GRAMD1B: variants seen among roughly 807,000 people sequenced by gnomAD.
GRAMD1B encodes protein Aster-B.
Under a neutral mutation model 99.7 loss-of-function variants are expected in GRAMD1B, and 37 were observed. That is an observed-to-expected ratio of 0.37 (90% CI 0.29 to 0.49). GRAMD1B has a LOEUF of 0.49. Ranked by LOEUF, GRAMD1B falls within the 20% of genes least tolerant of loss-of-function variation. The probability of loss-of-function intolerance (pLI) is 0.98; values close to 1 mark genes in which losing one functional copy is unlikely to be tolerated. For missense variants in GRAMD1B, 888 were observed against 1,009.2 expected (o/e 0.88, Z 1.63); for synonymous variants, 427 against 387.6 (o/e 1.10, Z -1.19).
intron 2 of GRAMD1B, among the ~76,000 whole-genome samples, chr11:123,494,416 G>A (rs1007547424): frequency 6.7e-6 from 1 of 149,030 alleles, no homozygotes; most frequent in East Asian, 2.0e-4. Context: ...CAGCACTTAA[G>A]GCCTTTTTTT....
At position 123,548,343 on chromosome 11, in the gene GRAMD1B, C is replaced by T. The variant is rs1273296706; in HGVS notation, c.453-29024C>T. Among the ~76,000 whole-genome samples the T allele has an allele frequency of 5.5e-3, 631 of 115,134 alleles. 16 individuals are homozygous for T. The highest frequency in any genetic ancestry group is 0.023 in the African/African-American group (538 of 23,416). 75.5% of individuals were successfully genotyped at this position (115,134 alleles called of 152,430 possible). A position where few individuals can be genotyped will look rare whatever the true frequency, so the allele number is the denominator to read the frequency against. ...ATATATATACACACACACACACACA[C>T]ACACACATATATATATATATGTACA... is the stretch of plus-strand genomic sequence containing the variant. On this transcript the variant is annotated intron_variant, in intron 2 of 19. Transcript: ENST00000635736.
chr11:123,423,961 C>T (rs565027721), intron 1 of GRAMD1B, among the ~76,000 whole-genome samples: 2 of 152,254 alleles, frequency 1.3e-5, no homozygotes, highest in East Asian at 1.9e-4. Context: ...TTTCTCCCCT[C>T]GGCTTCCCAG....
chr11:123,441,635 A>G (rs1189056842), intron 1 of GRAMD1B, among the ~76,000 whole-genome samples: 16 of 152,072 alleles, frequency 1.1e-4, no homozygotes, highest in Non-Finnish European at 2.9e-5. Flanking sequence ...AAGAAAAAAA[A>G]AGAGAAAAAA....
intron 9 of GRAMD1B, among the ~76,000 whole-genome samples, chr11:123,604,362 A>G (rs1259244614): frequency 6.6e-6 from 1 of 152,210 alleles, no homozygotes; most frequent in East Asian, 1.9e-4. Context: ...ACATGCAGTG[A>G]GGGAGGAAGG....
chr11:123,435,453 A>G (rs1265499078), intron 1 of GRAMD1B: 1 of 702,658 alleles, frequency 1.4e-6, no homozygotes, highest in Non-Finnish European at 2.6e-6. Context: ...GCGGATTTTC[A>G]CTGCACAAAG....
At chr11:123,486,895 CCT>C (rs1157496647) in intron 2 of GRAMD1B, among the ~76,000 whole-genome samples, 1 of 151,982 alleles carries the variant, frequency 6.6e-6, no homozygotes, top group African/African-American at 2.4e-5. Flanking sequence ...ATGGCAAAAC[CCT>C]GTCTCTACTA....
At chr11:123,515,610 T>C (rs1207850790) in intron 2 of GRAMD1B, among the ~76,000 whole-genome samples, 1 of 152,094 alleles carries the variant, frequency 6.6e-6, no homozygotes. Flanking sequence ...TGTGGAGAGA[T>C]TGAAAAAAAT....
chr11:123,480,201 G>A (rs566743909), intron 1 of GRAMD1B, among the ~76,000 whole-genome samples: 2 of 152,250 alleles, frequency 1.3e-5, no homozygotes, highest in Admixed American at 1.3e-4. Flanking sequence ...AGTGCCTTAA[G>A]GTGTGGAGAG....
chr11:123,404,695 T>C (rs1472488531), intron 1 of GRAMD1B, among the ~76,000 whole-genome samples: 4 of 152,206 alleles, frequency 2.6e-5, no homozygotes, highest in African/African-American at 9.6e-5. Context: ...AAATCATTCA[T>C]GAGAAAATCT....
At chr11:123,621,942 CTCTT>C (rs1427638688) in intron 19 of GRAMD1B, among the ~76,000 whole-genome samples, 3 of 148,228 alleles carry the variant, frequency 2.0e-5, no homozygotes, top group Admixed American at 6.7e-5. Context: ...CTTCCTTTCT[CTCTT>C]TCTTTCTTTC....
At position 123,606,676 on chromosome 11, in the gene GRAMD1B, T is replaced by C. The variant is rs1952784646; in HGVS notation, c.1391T>C (p.Ile464Thr). ...GGGTCCCTGGAAAAGGAGCTCGCCA[T>C]TGACAACATCATGGGGGAGAAGATT... ...GDGSLEKELAIDNIMGEKIEM... is the reference protein window; with the variant it reads ...GDGSLEKELATDNIMGEKIEM... Residue 464 changes from isoleucine to threonine, a missense_variant, in exon 11 of 20, where the codon ATT becomes ACT. Coordinates refer to ENST00000635736, the MANE Select transcript of GRAMD1B (RefSeq NM_001387025.1). 1 of 1,613,372 alleles carries C rather than the reference T, an allele frequency of 6.2e-7. No homozygotes were observed. Among genetic ancestry groups the C allele is most frequent in the South Asian group, 1.1e-5 (1 of 90,836 alleles).
intron 2 of GRAMD1B, among the ~76,000 whole-genome samples, chr11:123,553,901 T>A (rs1318725711): frequency 6.6e-6 from 1 of 152,214 alleles, no homozygotes; most frequent in Non-Finnish European, 1.5e-5. Flanking sequence ...AGTTAGAAGA[T>A]CTTTAATGAC....
At chr11:123,608,493 T>G (rs1953046641) in intron 11 of GRAMD1B, 166 bp from the exon 12 acceptor site, 2 of 1,535,330 alleles carry the variant, frequency 1.3e-6, no homozygotes, top group Non-Finnish European at 1.7e-6. Context: ...GAAAGCAAAG[T>G]CATAAACCAT....
chr11:123,420,545 A>G (rs1948395403), intron 1 of GRAMD1B, among the ~76,000 whole-genome samples: 1 of 152,246 alleles, frequency 6.6e-6, no homozygotes, highest in Admixed American at 6.5e-5. Context: ...AGAATTCGAT[A>G]CAAACTCCCA....
At position 123,627,316 on chromosome 11, in the gene GRAMD1B, T is replaced by A. The variant is rs970439947; in HGVS notation, c.*4721T>A. ...TGAGATTGCATAGTCAAAACAGCCA[T>A]TTTTGCCAACAATAGCTTGTGGCTC... On this transcript the variant is annotated 3_prime_UTR_variant, in exon 20 of 20. Coordinates refer to ENST00000635736, the MANE Select transcript of GRAMD1B (RefSeq NM_001387025.1). The A allele has an allele frequency of 7.9e-5, 12 of 152,292 alleles. No individual in the cohort carries two copies. Among genetic ancestry groups the A allele is most frequent in the Admixed American group, 3.9e-4 (6 of 15,288 alleles). 9.4% of individuals were successfully genotyped at this position (152,292 alleles called of 1,614,324 possible).
chr11:123,615,882 C>T (rs1224398122), intron 17 of GRAMD1B, among the ~76,000 whole-genome samples: 3 of 152,252 alleles, frequency 2.0e-5, no homozygotes, highest in East Asian at 1.9e-4. Flanking sequence ...AGGTCTAGGA[C>T]GGTCCTGGGG....
At chr11:123,607,750 G>T (rs1952938887) in intron 11 of GRAMD1B, 1 of 152,222 alleles carries the variant, frequency 6.6e-6, no homozygotes, top group South Asian at 2.1e-4. Flanking sequence ...GCCAGAAATG[G>T]CAGCCTCCTC....
Position 123,613,006 on chromosome 11 carries a change from T to C in GRAMD1B, c.2023+142T>C, listed in dbSNP as rs186352929. On this transcript the variant is annotated intron_variant, in intron 15 of 19. Transcript: ENST00000635736. ...AGTTTCATGAGGTACCCACACCTGC[T>C]TCAGAAGTGGACACCAAATTTGGCA... 5.9e-4 allele frequency: 363 copies of C among 614,950 alleles called. 3 individuals are homozygous for C. The East Asian group carries it at 8.5e-3, about 14-fold the overall frequency. The allele number at this position is 614,950 out of a possible 1,614,324, so 38.1% of individuals were successfully genotyped here.
chr11:123,509,640 T>C (rs942077631), intron 2 of GRAMD1B, among the ~76,000 whole-genome samples: 1 of 152,240 alleles, frequency 6.6e-6, no homozygotes, highest in Non-Finnish European at 1.5e-5. Flanking sequence ...GTAGAATCCT[T>C]GCACTGTCTT....
Sources: allele counts gnomAD v4.1 joint callset (sites outside exome capture counted in the v4.1 genomes callset), GRCh38; gene constraint gnomAD v4.1.1; transcripts MANE v1.5; gene names NCBI Gene and HGNC (gene_info 2026-07-23, HGNC 2026-07-21).